Variants in KCNQ2 observed in about 807,000 individuals in gnomAD.
The protein encoded by KCNQ2 is potassium voltage-gated channel subfamily Q member 2, also known as potassium voltage-gated channel subfamily KQT member 2.
Under a neutral mutation model 84.8 loss-of-function variants are expected in KCNQ2, and 14 were observed. The observed-to-expected ratio is 0.17, with a 90% CI of 0.11 to 0.26. The LOEUF (loss-of-function observed/expected upper bound fraction) is 0.26, where lower values mean the gene tolerates loss of function less well. Among genes scored for constraint, KCNQ2 ranks in the 10% least tolerant of loss-of-function variants. The pLI, the probability that KCNQ2 is intolerant of heterozygous loss-of-function variation, is 1.00. For synonymous variants in KCNQ2, 599 were observed against 554.1 expected (o/e 1.08, Z -1.14); for missense variants, 788 against 1,254.0 (o/e 0.63, Z 5.61).
At chr20:63,443,179 TCACCATCACCAC>T (rs1410743375) in intron 4 of KCNQ2, among the ~76,000 whole-genome samples, 3 of 54,000 alleles carry the variant, frequency 5.6e-5, no homozygotes, top group Non-Finnish European at 1.1e-4. Flanking sequence ...CACATCACCA[TCACCATCACCAC>T]CACCACCACC....
At chr20:63,430,224 C>A (rs983197288) in intron 9 of KCNQ2, among the ~76,000 whole-genome samples, 2 of 152,132 alleles carry the variant, frequency 1.3e-5, no homozygotes, top group African/African-American at 4.8e-5. Context: ...GAGGGTGCAA[C>A]AAGGGGAGGG....
chr20:63,421,573 C>T (rs1215716324), intron 11 of KCNQ2, among the ~76,000 whole-genome samples: 3 of 152,196 alleles, frequency 2.0e-5, no homozygotes, highest in African/African-American at 7.2e-5. Context: ...GACAGGCGGA[C>T]AGGCCCACAG....
Position 63,419,625 on chromosome 20 carries a change from C to A in KCNQ2, c.1295G>T (p.Arg432Leu), listed in dbSNP as rs758074713. The change falls in exon 12 of 17, where the codon CGC becomes CTC. Residue 432 changes from arginine to leucine, a missense_variant. Physicochemically the swap from Arg to Leu is moderately radical, Grantham distance 102. Coordinates refer to ENST00000359125, the MANE Select transcript of KCNQ2 (RefSeq NM_172107.4). ...RGPLCGCCPG[R>L]SSQKVSLKDR... is the part of the protein sequence containing the mutation. ...GCGGCGTGTTCCGCGGTACCTAGAG[C>A]GTCCGGGGCAGCATCCACACAGGGG... The A allele has an allele frequency of 6.2e-7, 1 of 1,610,488 alleles. No individual in the cohort carries two copies. The highest frequency in any genetic ancestry group is 1.1e-5 in the South Asian group (1 of 90,162).
chr20:63,418,114 A>G (rs2080352712), intron 12 of KCNQ2, among the ~76,000 whole-genome samples: 1 of 152,102 alleles, frequency 6.6e-6, no homozygotes. Context: ...CATGCTGCAG[A>G]CACCCGACCC....
Position 63,405,488 on chromosome 20 carries a change from GGA to G in KCNQ2, c.*1154_*1155del, listed in dbSNP as rs1429888698. On this transcript the variant is annotated 3_prime_UTR_variant, in exon 17 of 17. Transcript: ENST00000359125. ...AAGGGGCCATCAGCTCCAGGGGGCA[GGA>G]GAGCTAGGGAGGGCGCACAGCTGGG... 1 of 152,518 alleles carries G rather than the reference GGA, an allele frequency of 6.6e-6. No individual in the cohort carries two copies. The highest frequency in any genetic ancestry group is 1.5e-5 in the Non-Finnish European group (1 of 68,256). 9.4% of individuals were successfully genotyped at this position (152,518 alleles called of 1,614,324 possible). A position where few individuals can be genotyped will look rare whatever the true frequency, so the allele number is the denominator to read the frequency against.
chr20:63,458,901 T>A (rs1013168766), intron 1 of KCNQ2: 3 of 152,026 alleles, frequency 2.0e-5, no homozygotes, highest in African/African-American at 7.3e-5. Flanking sequence ...TCTGGGGGGC[T>A]GAGATGAGGA....
rs1291289169 is a variant in KCNQ2, at chr20:63,407,245, G to A, written c.2018C>T (p.Pro673Leu). The A allele has an allele frequency of 3.1e-6, 5 of 1,601,926 alleles. No individual in the cohort carries two copies. Among genetic ancestry groups the A allele is most frequent in the African/African-American group, 1.3e-5 (1 of 75,050 alleles). The change falls in exon 17 of 17, where the codon CCG (proline) becomes CTG (leucine). Residue 673 changes from proline (P) to leucine (L), a missense_variant. By Grantham distance (98) the Pro-to-Leu change is moderately conservative. This residue lies in a region of KCNQ2 where 378 missense variants were observed against 434.5 expected (regional missense o/e 0.87). Coordinates refer to ENST00000359125, the MANE Select transcript of KCNQ2 (RefSeq NM_172107.4). This position sits in a 1 kb window ranked among gnomAD's most constrained non-coding sequence, Gnocchi z 7.2. ...GTCGACATGCTCCCGGCTGTCTTCC[G>A]GGCTGTGGTACGGCGGCGCCGGCTC... ...EPEPAPPYHS[P>L]EDSREHVDRH...
chr20:63,418,040 TCCCTC>T (rs2080350534), intron 12 of KCNQ2, among the ~76,000 whole-genome samples: 1 of 151,974 alleles, frequency 6.6e-6, no homozygotes. Context: ...GACATGTCCT[TCCCTC>T]CCCTGGACCT....
chr20:63,462,995 G>T (rs1246713793), intron 1 of KCNQ2, among the ~76,000 whole-genome samples: 1 of 152,090 alleles, frequency 6.6e-6, no homozygotes, highest in Non-Finnish European at 1.5e-5. Context: ...GCGCAGAGGG[G>T]GCAAATCATA....
chr20:63,428,874 G>A (rs2080711473), intron 9 of KCNQ2, among the ~76,000 whole-genome samples: 1 of 152,176 alleles, frequency 6.6e-6, no homozygotes, highest in Non-Finnish European at 1.5e-5. Context: ...TGCCAAAGCT[G>A]GAGGAGTTGG....
At chr20:63,419,148 G>A (rs547609952) in intron 12 of KCNQ2, among the ~76,000 whole-genome samples, 79 of 152,340 alleles carry the variant, frequency 5.2e-4, no homozygotes, top group Admixed American at 2.0e-3. Context: ...AGAGGGAGCC[G>A]CGGGCCTCTG....
chr20:63,441,525 G>A (rs989168884), intron 5 of KCNQ2, among the ~76,000 whole-genome samples: 5 of 152,158 alleles, frequency 3.3e-5, no homozygotes, highest in African/African-American at 1.2e-4. Context: ...GTAAAGATAA[G>A]AAGGCTGTTG....
At chr20:63,413,625 C>A in intron 14 of KCNQ2, 44 bp from the exon 15 acceptor site, 1 of 1,611,114 alleles carries the variant, frequency 6.2e-7, no homozygotes, top group Non-Finnish European at 8.5e-7. Context: ...GCCAGAGACC[C>A]CCGGCCACAG....
intron 8 of KCNQ2, 97 bp downstream of exon 8, chr20:63,433,711 AT>A (rs767183233): frequency 5.0e-6 from 8 of 1,601,128 alleles, no homozygotes; most frequent in Middle Eastern, 3.3e-4. Context: ...AAGAAAAAAA[AT>A]CAATCAAAAT....
chr20:63,429,112 G>A (rs1416985109), intron 9 of KCNQ2, among the ~76,000 whole-genome samples: 3 of 151,812 alleles, frequency 2.0e-5, no homozygotes, highest in African/African-American at 7.3e-5. Context: ...AGCCCCCCAG[G>A]CAGGTATGCA....
In KCNQ2 at chr20:63,472,172, A is replaced by T; in HGVS notation, c.292T>A (p.Tyr98Asn). ...GGGGCCCCGCCGGCCACTCACACGT[A>T]GGCGTGGTAGATGAACGCCCAGCCG... is the stretch of plus-strand genomic sequence containing the variant. ...PRGWAFIYHA[Y>N]VFLLVFSCLV... Residue 98 changes from tyrosine (Y) to asparagine (N), a missense_variant, in exon 1 of 17, where the codon TAC becomes AAC. Tyr to Asn is a moderately radical substitution (Grantham distance 143). Around this residue, in one of 8 missense-constraint regions of KCNQ2, gnomAD observed 106 missense variants for 214.8 expected, o/e 0.49. Coordinates refer to ENST00000359125, the MANE Select transcript of KCNQ2 (RefSeq NM_172107.4). 1 of 1,523,244 alleles carries T rather than the reference A, an allele frequency of 6.6e-7. No individual in the cohort carries two copies. Among genetic ancestry groups the T allele is most frequent in the Non-Finnish European group, 8.8e-7 (1 of 1,135,888 alleles). 94.4% of individuals were successfully genotyped at this position (1,523,244 alleles called of 1,614,324 possible).
intron 1 of KCNQ2, among the ~76,000 whole-genome samples, chr20:63,447,746 C>G (rs1406984230): frequency 6.6e-6 from 1 of 152,102 alleles, no homozygotes; most frequent in East Asian, 1.9e-4. Context: ...AGGCATGTGC[C>G]ACCACACCAG....
At chr20:63,432,446 C>T (rs2080842175) in intron 8 of KCNQ2, among the ~76,000 whole-genome samples, 2 of 138,832 alleles carry the variant, frequency 1.4e-5, no homozygotes, top group South Asian at 2.4e-4. Context: ...AAGGATCCAC[C>T]CACAGGGAAG....
At chr20:63,430,481 T>C (rs961087922) in intron 9 of KCNQ2, among the ~76,000 whole-genome samples, 50 of 152,138 alleles carry the variant, frequency 3.3e-4, no homozygotes, top group African/African-American at 1.2e-3. Flanking sequence ...GACGGGTGAC[T>C]GGCCCCTGGA....
Sources: gnomAD v4.1 joint callset for allele counts (sites outside exome capture counted in the v4.1 genomes callset) on GRCh38, gnomAD v4.1.1 for gene constraint, gnomAD v4.1.1 regional missense constraint, Gnocchi (gnomAD v3.1) non-coding constraint, MANE v1.5 for transcripts, NCBI Gene and HGNC (gene_info 2026-07-23, HGNC 2026-07-21) for gene names.